Variants in ZNF827 observed in about 807,000 individuals in gnomAD.
ZNF827 encodes zinc finger protein 827.
In ZNF827, 13 loss-of-function variants were observed where a neutral mutation model predicts 102.4. The ratio of observed to expected loss-of-function variants is 0.13; its 90% confidence interval spans 0.08 to 0.20. ZNF827 has a LOEUF of 0.20. Ranked by LOEUF, ZNF827 falls within the 10% of genes least tolerant of loss-of-function variation. ZNF827 has a pLI of 1.00. For missense variants in ZNF827, 1,103 were observed against 1,344.4 expected (o/e 0.82, Z 2.81); for synonymous variants, 523 against 536.2 (o/e 0.98, Z 0.34).
At chr4:145,769,174 C>A (rs1041322791) in intron 11 of ZNF827, among the ~76,000 whole-genome samples, 11 of 151,924 alleles carry the variant, frequency 7.2e-5, no homozygotes, top group Middle Eastern at 3.4e-3. Flanking sequence ...AAATCTTGCT[C>A]CTATTAGAAC....
At chr4:145,797,418 G>A (rs1740490037) in intron 8 of ZNF827, among the ~76,000 whole-genome samples, 1 of 152,128 alleles carries the variant, frequency 6.6e-6, no homozygotes, top group South Asian at 2.1e-4. Context: ...ATAACAGCCA[G>A]AGGATTAATC....
In ZNF827 at chr4:145,823,496, T is replaced by C. The variant is rs775397521; in HGVS notation, c.2309A>G (p.Gln770Arg). 6.2e-7 allele frequency: 1 copy of C among 1,613,006 alleles called. No individual in the cohort carries two copies. The highest frequency in any genetic ancestry group is 8.5e-7 in the Non-Finnish European group (1 of 1,179,788). Residue 770 changes from glutamine (Q) to arginine (R), a missense_variant, in exon 8 of 15, where the codon CAA becomes CGA. This residue lies in a region of ZNF827 where 243 missense variants were observed against 251.6 expected (regional missense o/e 0.97). Coordinates refer to ENST00000508784, the MANE Select transcript of ZNF827 (RefSeq NM_001306215.2). Reference sequence around the variant, plus strand: ...TTTTGAATTGGAGGTGAATGGTGATTGTCTAAATGTGTCTTCTGAAAAGAA... The same window carrying C: ...TTTTGAATTGGAGGTGAATGGTGATCGTCTAAATGTGTCTTCTGAAAAGAA... ...SPFFSEDTFR[Q>R]SPFTSNSKEL...
chr4:145,929,586 T>C (rs556581111), intron 1 of ZNF827, among the ~76,000 whole-genome samples: 234 of 152,200 alleles, frequency 1.5e-3, no homozygotes, highest in African/African-American at 5.0e-3. Flanking sequence ...CCTACAATAA[T>C]AGCCTTGTAA....
intron 1 of ZNF827, among the ~76,000 whole-genome samples, chr4:145,936,650 T>C (rs963564401): frequency 6.6e-6 from 1 of 151,316 alleles, no homozygotes; most frequent in Non-Finnish European, 1.5e-5. Context: ...CCCGGTCCCC[T>C]GGGCAGGCAC....
At chr4:145,924,737 G>A (rs1753306547) in intron 1 of ZNF827, among the ~76,000 whole-genome samples, 2 of 152,214 alleles carry the variant, frequency 1.3e-5, no homozygotes, top group Non-Finnish European at 2.9e-5. Context: ...TTTTTGAGAT[G>A]TAATCAAACC....
intron 3 of ZNF827, among the ~76,000 whole-genome samples, chr4:145,891,831 A>G (rs1750629714): frequency 6.6e-6 from 1 of 152,192 alleles, no homozygotes. Context: ...CAGTCTCTCC[A>G]GGAAGGGGAG....
chr4:145,892,066 C>G, intron 3 of ZNF827, among the ~76,000 whole-genome samples, 177 bp downstream of exon 3: 1 of 152,220 alleles, frequency 6.6e-6, no homozygotes, highest in Admixed American at 6.5e-5. Context: ...TTCTTGGCTG[C>G]AAAGTGGACA....
At chr4:145,817,935 A>C (rs1427866296) in intron 8 of ZNF827, among the ~76,000 whole-genome samples, 6 of 152,206 alleles carry the variant, frequency 3.9e-5, no homozygotes, top group African/African-American at 9.6e-5. Flanking sequence ...GATCCATTAA[A>C]AACTACTGAC....
intron 2 of ZNF827, among the ~76,000 whole-genome samples, chr4:145,901,605 A>G (rs1289082930): frequency 6.6e-6 from 1 of 152,248 alleles, no homozygotes; most frequent in African/African-American, 2.4e-5. Flanking sequence ...AGGACAAGAA[A>G]TTGTAGGAGA....
In ZNF827 at chr4:145,761,064, G is replaced by A; in HGVS notation, c.*552C>T. 2 of 1,289,382 alleles carry A rather than the reference G, an allele frequency of 1.6e-6. No individual in the cohort carries two copies. Among genetic ancestry groups the A allele is most frequent in the South Asian group, 1.2e-5 (1 of 81,006 alleles). 79.9% of individuals were successfully genotyped at this position (1,289,382 alleles called of 1,614,324 possible). On this transcript the variant is annotated 3_prime_UTR_variant, in exon 15 of 15. Transcript: ENST00000508784. This position sits in a 1 kb window ranked among gnomAD's most constrained non-coding sequence, Gnocchi z 6.8. ...GGGCCACGGTCTGCAGAGCCTGGGA[G>A]GCAGACATAACTGACAGGGGAGACA...
chr4:145,915,046 C>G (rs1752572770), intron 1 of ZNF827, among the ~76,000 whole-genome samples: 1 of 152,220 alleles, frequency 6.6e-6, no homozygotes, highest in African/African-American at 2.4e-5. Flanking sequence ...TTCTGCAGCC[C>G]TTGGGGCCAC....
At chr4:145,921,024 AACCAGGGGAGGAG>A (rs1395469660) in intron 1 of ZNF827, among the ~76,000 whole-genome samples, 1 of 152,200 alleles carries the variant, frequency 6.6e-6, no homozygotes, top group East Asian at 1.9e-4. Flanking sequence ...GAGCTATGGG[AACCAGGGGAGGAG>A]ACGCCTAATT....
intron 5 of ZNF827, among the ~76,000 whole-genome samples, chr4:145,864,116 C>G (rs1435950035): frequency 6.6e-6 from 1 of 151,872 alleles, no homozygotes; most frequent in Admixed American, 6.6e-5. Context: ...TTGCTTGAAC[C>G]CAGGAACCCA....
At chr4:145,893,743 A>C (rs771135973) in intron 2 of ZNF827, among the ~76,000 whole-genome samples, 45 of 152,308 alleles carry the variant, frequency 3.0e-4, no homozygotes, top group Admixed American at 5.9e-4. Flanking sequence ...ATAAAAAATT[A>C]AACAATCCTC....
chr4:145,887,395 A>G (rs949731700), intron 3 of ZNF827, among the ~76,000 whole-genome samples: 28 of 152,158 alleles, frequency 1.8e-4, no homozygotes, highest in African/African-American at 6.3e-4. Context: ...ACCAGCCAAA[A>G]CATACTTTTA....
At chr4:145,823,550 G>C in intron 7 of ZNF827, 25 bp from the exon 8 acceptor site, 3 of 1,528,110 alleles carry the variant, frequency 2.0e-6, no homozygotes, top group Non-Finnish European at 1.8e-6. Flanking sequence ...GGGGAGTGAA[G>C]TTTAGTAAAT....
chr4:145,865,277 T>TA, intron 5 of ZNF827, among the ~76,000 whole-genome samples: 1 of 152,254 alleles, frequency 6.6e-6, no homozygotes, highest in Non-Finnish European at 1.5e-5. Context: ...CATAATAAAT[T>TA]AAAAAGAATC....
intron 8 of ZNF827, among the ~76,000 whole-genome samples, chr4:145,787,954 A>C (rs911948781): frequency 2.0e-5 from 3 of 152,152 alleles, no homozygotes; most frequent in African/African-American, 7.2e-5. Flanking sequence ...GAATCTTAAC[A>C]ATCATTTTTT....
intron 8 of ZNF827, among the ~76,000 whole-genome samples, chr4:145,803,826 A>G (rs1741152258): frequency 6.6e-6 from 1 of 152,252 alleles, no homozygotes; most frequent in Non-Finnish European, 1.5e-5. Flanking sequence ...AAACGCATTC[A>G]GAGTGTGCTA....
Sources: allele counts gnomAD v4.1 joint callset (sites outside exome capture counted in the v4.1 genomes callset), GRCh38; gene constraint gnomAD v4.1.1; regional missense constraint gnomAD v4.1.1; non-coding constraint Gnocchi (gnomAD v3.1); transcripts MANE v1.5; gene names NCBI Gene and HGNC (gene_info 2026-07-23, HGNC 2026-07-21).